MAST1: variants seen among roughly 807,000 people sequenced by gnomAD.
The protein encoded by MAST1 is microtubule-associated serine/threonine-protein kinase 1.
Under a neutral mutation model 124.6 loss-of-function variants are expected in MAST1, and 40 were observed. The observed-to-expected ratio is 0.32, with a 90% CI of 0.25 to 0.42. The LOEUF (loss-of-function observed/expected upper bound fraction) is 0.42. Ranked by LOEUF, MAST1 falls within the 10% of genes least tolerant of loss-of-function variation. MAST1 has a pLI of 1.00. For missense variants in MAST1, 1,558 were observed against 2,181.9 expected (o/e 0.71, Z 5.70); for synonymous variants, 938 against 939.4 (o/e 1.00, Z 0.03).
chr19:12,840,587 G>A, intron 2 of MAST1, 53 bp downstream of exon 2: 1 of 1,345,434 alleles, frequency 7.4e-7, no homozygotes. Flanking sequence ...CAGTAGGCGG[G>A]GCCTCAGGCG....
intron 24 of MAST1, among the ~76,000 whole-genome samples, chr19:12,872,441 A>T (rs2145914595): frequency 6.6e-6 from 1 of 151,892 alleles, no homozygotes; most frequent in African/African-American, 2.4e-5. Flanking sequence ...TTTTGTTTGG[A>T]TGTGTTTCTA....
At chr19:12,858,320 CAT>C in intron 10 of MAST1, 40 bp from the exon 11 acceptor site, 1 of 1,543,236 alleles carries the variant, frequency 6.5e-7, no homozygotes, top group Non-Finnish European at 8.9e-7. Flanking sequence ...ATCCTGCTCT[CAT>C]GATGATGATG....
In MAST1 at chr19:12,866,468, G is replaced by A. The variant is rs1249937392; in HGVS notation, c.2030-185G>A. ...CTCTTTGGAGGCGGGGCTAGACGGT[G>A]CCACTGAGAATGGGGCAAGGACCTT... is the stretch of plus-strand genomic sequence containing the variant. On this transcript the variant is annotated intron_variant, in intron 17 of 25. Coordinates refer to ENST00000251472, the MANE Select transcript of MAST1 (RefSeq NM_014975.3). The surrounding 1 kb of genome is among the most constrained non-coding windows in gnomAD (Gnocchi z 5.2). 6.6e-6 allele frequency among the ~76,000 whole-genome samples: 1 copy of A among 152,164 alleles called. No homozygotes were observed. Among genetic ancestry groups the A allele is most frequent in the Non-Finnish European group, 1.5e-5 (1 of 68,028 alleles).
chr19:12,858,330 A>G (rs755743414), intron 10 of MAST1, 32 bp from the exon 11 acceptor site: 3 of 1,544,038 alleles, frequency 1.9e-6, no homozygotes, highest in Non-Finnish European at 1.8e-6. Flanking sequence ...CATGATGATG[A>G]TGGTGGTGTG....
Position 12,842,822 on chromosome 19 carries a change from C to T in MAST1, c.249-707C>T, listed in dbSNP as rs117094565. 1.1e-3 allele frequency among the ~76,000 whole-genome samples: 167 copies of T among 152,098 alleles called. 1 individual carries two copies. The highest frequency in any genetic ancestry group is 3.5e-3 in the African/African-American group (145 of 41,474). Reference sequence around the variant, plus strand: ...GTATGTTTGGGTGAGTCTGTGTGTCCGAGTGTGAGTACTGAGTGGAAGCAC... The same window carrying T: ...GTATGTTTGGGTGAGTCTGTGTGTCTGAGTGTGAGTACTGAGTGGAAGCAC... On this transcript the variant is annotated intron_variant, in intron 3 of 25. Coordinates refer to ENST00000251472, the MANE Select transcript of MAST1 (RefSeq NM_014975.3).
rs964768003 is a variant in MAST1 at position 12,864,884 on chromosome 19, C to T, written c.1442C>T (p.Thr481Met). ...VEMARMYFAE[T>M]VLALEYLHNY... The stretch of plus-strand genomic sequence containing the variant: ...ATGGCCCGCATGTACTTTGCTGAGA[C>T]GGTGCTAGCCCTGGAGTATTTGCAC... The change falls in exon 13 of 26, where the codon ACG becomes ATG. Residue 481 changes from threonine (T) to methionine (M), a missense_variant. This residue lies in a region of MAST1 where 145 missense variants were observed against 350.0 expected (regional missense o/e 0.41). Coordinates refer to ENST00000251472, the MANE Select transcript of MAST1 (RefSeq NM_014975.3). The T allele has an allele frequency of 4.3e-6, 7 of 1,613,958 alleles. No homozygotes were observed. The highest frequency in any genetic ancestry group is 1.6e-4 in the Middle Eastern group (1 of 6,084).
In MAST1 at chr19:12,843,590, C is replaced by A; in HGVS notation, c.310C>A (p.Pro104Thr). Residue 104 changes from proline to threonine, a missense_variant, in exon 4 of 26, where the codon CCC becomes ACC. Coordinates refer to ENST00000251472, the MANE Select transcript of MAST1 (RefSeq NM_014975.3). This position sits in a 1 kb window ranked among gnomAD's most constrained non-coding sequence, Gnocchi z 4.9. Reference sequence around the variant, plus strand: ...TTCATCTGGCTATGGCACCAACACGCCCAGTTCCACCGTCTCGGTGAGTGT... The same window carrying A: ...TTCATCTGGCTATGGCACCAACACGACCAGTTCCACCGTCTCGGTGAGTGT... ...LPSSGYGTNT[P>T]SSTVSSSCSS... The A allele has an allele frequency of 1.2e-6, 2 of 1,613,526 alleles. No individual in the cohort carries two copies. The highest frequency in any genetic ancestry group is 1.7e-6 in the Non-Finnish European group (2 of 1,179,796).
rs1437113444 is a variant in MAST1 at position 12,841,093 on chromosome 19, G to A, written c.248+27G>A. 1.7e-6 allele frequency: 2 copies of A among 1,179,664 alleles called. No individual in the cohort carries two copies. Among genetic ancestry groups the A allele is most frequent in the East Asian group, 4.7e-5 (2 of 42,982 alleles). 73.1% of individuals were successfully genotyped at this position (1,179,664 alleles called of 1,614,324 possible). On this transcript the variant is annotated intron_variant, in intron 3 of 25. Transcript: ENST00000251472. The surrounding 1 kb of genome is among the most constrained non-coding windows in gnomAD (Gnocchi z 4.3). ...TGAGTCCCTCCCCTCCAGGGCCCCA[G>A]AACCCTGGGCAGACCCTCCCCAACC...
intron 10 of MAST1, among the ~76,000 whole-genome samples, chr19:12,854,193 G>A (rs899213654): frequency 3.4e-5 from 5 of 147,096 alleles, no homozygotes; most frequent in Non-Finnish European, 5.9e-5. Flanking sequence ...GCGTGATCTC[G>A]GCTCACTGCA....
chr19:12,874,460 C>G lies in MAST1; in HGVS notation c.4303C>G (p.Pro1435Ala). The G allele has an allele frequency of 3.1e-6, 5 of 1,593,450 alleles. No homozygotes were observed. The highest frequency in any genetic ancestry group is 4.3e-6 in the Non-Finnish European group (5 of 1,176,364). ...TGGCGAGGCGGGCACACCCCTGGTACCCATTGTCGTAGAGCCTGCGCGGCC... is the reference window on the plus strand; with the variant it reads ...TGGCGAGGCGGGCACACCCCTGGTAGCCATTGTCGTAGAGCCTGCGCGGCC... ...SSGEAGTPLV[P>A]IVVEPARPGA... Residue 1435 changes from proline to alanine, a missense_variant, in exon 26 of 26, where the codon CCC becomes GCC. Physicochemically the swap from Pro to Ala is conservative, Grantham distance 27. This residue lies in a region of MAST1 where 263 missense variants were observed against 310.9 expected (regional missense o/e 0.85). Coordinates refer to ENST00000251472, the MANE Select transcript of MAST1 (RefSeq NM_014975.3). This position sits in a 1 kb window ranked among gnomAD's most constrained non-coding sequence, Gnocchi z 6.6.
At position 12,864,681 on chromosome 19, in the gene MAST1, C is replaced by T; in HGVS notation, c.1367-128C>T. 3.2e-6 allele frequency: 4 copies of T among 1,243,312 alleles called. No homozygotes were observed. The South Asian group carries it at 5.6e-5, about 17-fold the overall frequency. 77.0% of individuals were successfully genotyped at this position (1,243,312 alleles called of 1,614,324 possible). ...TAGAGGACCTGGAGGGAGGGAGGCC[C>T]CTCTCAGAGCCTCAGTTTCCCTTAT... On this transcript the variant is annotated intron_variant, in intron 12 of 25. Coordinates refer to ENST00000251472, the MANE Select transcript of MAST1 (RefSeq NM_014975.3).
rs540488398 is a variant in MAST1 at position 12,845,411 on chromosome 19, CAAAA to C, written c.327+1824_327+1827del. ...GCAACGTGATGAAACCCTGTTTCTA[CAAAA>C]AAAAAAAAAAAAAAAAAAATTAGCC... On this transcript the variant is annotated intron_variant, in intron 4 of 25. Transcript: ENST00000251472. Among the ~76,000 whole-genome samples the C allele has an allele frequency of 4.4e-3, 301 of 69,114 alleles. 3 individuals are homozygous for C. The highest frequency in any genetic ancestry group is 0.018 in the African/African-American group (295 of 16,114). The allele number at this position is 69,114 out of a possible 152,430, so 45.3% of individuals were successfully genotyped here.
At position 12,873,786 on chromosome 19, in the gene MAST1, C is replaced by T. The variant is rs1160779669; in HGVS notation, c.3629C>T (p.Thr1210Met). 1.9e-6 allele frequency: 3 copies of T among 1,598,094 alleles called. No homozygotes were observed. The highest frequency in any genetic ancestry group is 2.5e-6 in the Non-Finnish European group (3 of 1,178,494). Residue 1210 changes from threonine (T) to methionine (M), a missense_variant, in exon 26 of 26, where the codon ACG becomes ATG. Thr to Met is a moderately conservative substitution (Grantham distance 81). Around this residue, in one of 10 missense-constraint regions of MAST1, gnomAD observed 291 missense variants for 475.8 expected, o/e 0.61. Transcript: ENST00000251472. Reference protein sequence around the residue: ...GNIPLSPLAHTPSPTQASPPP... With the variant: ...GNIPLSPLAHMPSPTQASPPP... ...ATCCCTCTATCGCCGCTGGCACACA[C>T]GCCGTCCCCCACGCAGGCGTCACCG...
intron 10 of MAST1, among the ~76,000 whole-genome samples, chr19:12,857,893 G>A (rs999845643): frequency 6.6e-6 from 1 of 151,536 alleles, no homozygotes; most frequent in African/African-American, 2.4e-5. Flanking sequence ...GCATGTGCCT[G>A]TGGTCCCAGC....
intron 24 of MAST1, 57 bp from the exon 25 acceptor site, chr19:12,873,267 G>A (rs763341686): frequency 5.2e-6 from 8 of 1,546,496 alleles, no homozygotes; most frequent in Non-Finnish European, 7.1e-6. Flanking sequence ...GAAATGGGAG[G>A]AGCCCTGAGC....
chr19:12,845,766 C>T (rs1448965850), intron 4 of MAST1, among the ~76,000 whole-genome samples: 1 of 151,458 alleles, frequency 6.6e-6, no homozygotes, highest in East Asian at 2.0e-4. Context: ...AAGCAATTCT[C>T]CTGCCTCAGC....
chr19:12,861,587 AGG>A (rs1455957802), intron 12 of MAST1, among the ~76,000 whole-genome samples: 1 of 152,172 alleles, frequency 6.6e-6, no homozygotes, highest in Non-Finnish European at 1.5e-5. Context: ...GCTGATGAGG[AGG>A]GTATTCCAGA....
chr19:12,869,000 G>C (rs1295898559), intron 21 of MAST1, 66 bp from the exon 22 acceptor site: 1 of 1,561,590 alleles, frequency 6.4e-7, no homozygotes. Context: ...GGAGGAGGGA[G>C]GAGCAGATAC....
intron 12 of MAST1, among the ~76,000 whole-genome samples, chr19:12,862,658 C>CTTTT (rs750956121): frequency 7.4e-6 from 1 of 135,912 alleles, no homozygotes. Context: ...TTTTCTTTTC[C>CTTTT]TTTTTTTTTT....
Sources: gnomAD v4.1 joint callset for allele counts (sites outside exome capture counted in the v4.1 genomes callset) on GRCh38, gnomAD v4.1.1 for gene constraint, gnomAD v4.1.1 regional missense constraint, Gnocchi (gnomAD v3.1) non-coding constraint, MANE v1.5 for transcripts, NCBI Gene and HGNC (gene_info 2026-07-23, HGNC 2026-07-21) for gene names.